The following PCDHGA2 variants were observed in gnomAD, a reference collection of about 807,000 sequenced individuals.
The protein encoded by PCDHGA2 is protocadherin gamma subfamily A, 2, also known as protocadherin gamma-A2.
In PCDHGA2, 40 loss-of-function variants were observed where a neutral mutation model predicts 59.2. The ratio of observed to expected loss-of-function variants is 0.68; its 90% CI spans 0.52 to 0.88. PCDHGA2 has a LOEUF of 0.88. Ranked by LOEUF, PCDHGA2 falls within the 40% of genes least tolerant of loss-of-function variation. The pLI is 0.00. For synonymous variants in PCDHGA2, 560 were observed against 526.0 expected (o/e 1.06, Z -0.89); for missense variants, 1,226 against 1,204.0 (o/e 1.02, Z -0.27).
Position 141,374,101 on chromosome 5 carries a change from G to C in PCDHGA2, c.2424+32706G>C, listed in dbSNP as rs752730619. ...AGCCAGTAATGGCGCCTCCGCAGAG[G>C]CATCCGCAGCGCAGCGAGCAGGTCC... On this transcript the variant is annotated intron_variant, in intron 1 of 3. Coordinates refer to ENST00000394576, the MANE Select transcript of PCDHGA2 (RefSeq NM_018915.4). 1 of 1,565,508 alleles carries C rather than the reference G, an allele frequency of 6.4e-7. No homozygotes were observed. Among genetic ancestry groups the C allele is most frequent in the Admixed American group, 1.9e-5 (1 of 53,132 alleles).
chr5:141,451,009 T>C (rs1437016950), intron 1 of PCDHGA2, among the ~76,000 whole-genome samples: 1 of 151,566 alleles, frequency 6.6e-6, no homozygotes, highest in East Asian at 1.9e-4. Context: ...GTATTTTTTT[T>C]AGTAGAGACG....
intron 1 of PCDHGA2, among the ~76,000 whole-genome samples, chr5:141,433,761 T>G (rs2154555909): frequency 6.7e-6 from 1 of 148,664 alleles, no homozygotes; most frequent in Admixed American, 6.8e-5. Context: ...TGCTTTAACC[T>G]GGGAGGTGGA....
intron 1 of PCDHGA2, chr5:141,365,548 A>G: frequency 6.2e-7 from 1 of 1,613,806 alleles, no homozygotes; most frequent in Non-Finnish European, 8.5e-7. Flanking sequence ...ACCTATTAAC[A>G]ACTAGGGACC....
At chr5:141,377,770 T>A (rs1774342115) in intron 1 of PCDHGA2, 1 of 152,210 alleles carries the variant, frequency 6.6e-6, no homozygotes, top group South Asian at 2.1e-4. Flanking sequence ...ATCTTTGGTG[T>A]TAAAAGACCT....
At chr5:141,498,194 T>C (rs1014641829) in intron 2 of PCDHGA2, among the ~76,000 whole-genome samples, 16 of 152,254 alleles carry the variant, frequency 1.1e-4, no homozygotes, top group African/African-American at 3.6e-4. Context: ...ATTAACCAGC[T>C]AAAGAAAAGA....
chr5:141,348,044 A>C (rs549365991), intron 1 of PCDHGA2, among the ~76,000 whole-genome samples: 172 of 152,324 alleles, frequency 1.1e-3, no homozygotes, highest in African/African-American at 4.0e-3. Context: ...AATGGAATAG[A>C]AGTCCCTTCT....
chr5:141,353,265 C>G (rs1307972871), intron 1 of PCDHGA2, among the ~76,000 whole-genome samples: 1 of 152,154 alleles, frequency 6.6e-6, no homozygotes, highest in Non-Finnish European at 1.5e-5. Context: ...ATATGCAATA[C>G]TATATTTTCA....
At position 141,485,286 on chromosome 5, in the gene PCDHGA2, A is replaced by G; in HGVS notation, c.2425-9521A>G. The G allele has an allele frequency of 2.5e-6, 4 of 1,614,044 alleles. No individual in the cohort carries two copies. On this transcript the variant is annotated intron_variant, in intron 1 of 3. Transcript: ENST00000394576. This position sits in a 1 kb window ranked among gnomAD's most constrained non-coding sequence, Gnocchi z 5.7. ...CAGATCCGCTACCCGGTCCCAGAGG[A>G]GTCACAGGAAGGGACTTTTGTAGGG...
chr5:141,408,974 G>C lies in PCDHGA2; in HGVS notation c.2424+67579G>C, dbSNP rs899313364. 8.7e-6 allele frequency: 14 copies of C among 1,613,690 alleles called. No individual in the cohort carries two copies. In the African/African-American group the frequency reaches 1.9e-4, roughly 22 times the overall value. On this transcript the variant is annotated intron_variant, in intron 1 of 3. Transcript: ENST00000394576. ...TAGTCTTAGTGAAAATCTGCCCCCT[G>C]GGTCCCCTGTGTTGCAAGTGACAGC...
intron 1 of PCDHGA2, chr5:141,372,188 G>A (rs771970227): frequency 1.2e-6 from 2 of 1,613,434 alleles, no homozygotes; most frequent in Admixed American, 1.7e-5. Context: ...ACGCAGACTC[G>A]GGATACAACG....
Position 141,486,445 on chromosome 5 carries a change from G to A in PCDHGA2, c.2425-8362G>A. On this transcript the variant is annotated intron_variant, in intron 1 of 3. Coordinates refer to ENST00000394576, the MANE Select transcript of PCDHGA2 (RefSeq NM_018915.4). The surrounding 1 kb of genome is among the most constrained non-coding windows in gnomAD (Gnocchi z 5.0). ...AGGCCAAATCTAGCTATGACATCAT[G>A]GTCACTGCTTCTGATGCTGGGAACC... 6.2e-7 allele frequency: 1 copy of A among 1,613,948 alleles called. No homozygotes were observed. The highest frequency in any genetic ancestry group is 8.5e-7 in the Non-Finnish European group (1 of 1,179,862).
chr5:141,339,525 G>A lies in PCDHGA2; in HGVS notation c.554G>A (p.Gly185Glu). Residue 185 changes from glycine (G) to glutamate (E), a missense_variant, in exon 1 of 4, where the codon GGA becomes GAA. Coordinates refer to ENST00000394576, the MANE Select transcript of PCDHGA2 (RefSeq NM_018915.4). ...NDHFSLDVRR[G>E]ADGNKYPELV... The stretch of plus-strand genomic sequence containing the variant: ...CACTTCTCCCTGGACGTGCGAAGGG[G>A]AGCTGATGGGAACAAGTACCCAGAA... 3 of 1,614,152 alleles carry A rather than the reference G, an allele frequency of 1.9e-6. No homozygotes were observed. The highest frequency in any genetic ancestry group is 2.5e-6 in the Non-Finnish European group (3 of 1,180,038).
rs571588941 is a variant in PCDHGA2, at chr5:141,428,181, A to T, written c.2425-66626A>T. The T allele has an allele frequency of 1.2e-4, 181 of 1,486,230 alleles. 2 individuals carry two copies. In the South Asian group the frequency reaches 2.0e-3, roughly 16 times the overall value. The allele number at this position is 1,486,230 out of a possible 1,614,324, so 92.1% of individuals were successfully genotyped here. A position where few individuals can be genotyped will look rare whatever the true frequency, so the allele number is the denominator to read the frequency against. ...CTGGTTGCTGTGCGTGACGGAGGAC[A>T]GCCGCCGCTCTCTGCGCCGCTACGC... On this transcript the variant is annotated intron_variant, in intron 1 of 3. Coordinates refer to ENST00000394576, the MANE Select transcript of PCDHGA2 (RefSeq NM_018915.4).
Position 141,432,617 on chromosome 5 carries a change from G to T in PCDHGA2, c.2425-62190G>T, listed in dbSNP as rs2097521313. The T allele has an allele frequency of 6.2e-7, 1 of 1,613,578 alleles. No homozygotes were observed. The highest frequency in any genetic ancestry group is 1.3e-5 in the African/African-American group (1 of 74,842). On this transcript the variant is annotated intron_variant, in intron 1 of 3. Coordinates refer to ENST00000394576, the MANE Select transcript of PCDHGA2 (RefSeq NM_018915.4). This position sits in a 1 kb window ranked among gnomAD's most constrained non-coding sequence, Gnocchi z 6.0. ...CAGCGAGCCGGGACTCTTCTCGGTGGGTCTGCACACGGGCGAGGTGCGCAC... is the reference window on the plus strand; with the variant it reads ...CAGCGAGCCGGGACTCTTCTCGGTGTGTCTGCACACGGGCGAGGTGCGCAC...
chr5:141,459,993 G>T (rs1320315247), intron 1 of PCDHGA2, among the ~76,000 whole-genome samples: 1 of 152,164 alleles, frequency 6.6e-6, no homozygotes, highest in African/African-American at 2.4e-5. Context: ...CAGGAGAATC[G>T]CTTGAACCCA....
intron 1 of PCDHGA2, chr5:141,423,769 CATAT>C (rs2096780943): frequency 8.2e-7 from 1 of 1,219,458 alleles, no homozygotes; most frequent in South Asian, 2.2e-5. Context: ...GGTGGGGCGG[CATAT>C]ATTTAGTTCA....
chr5:141,384,766 A>G, intron 1 of PCDHGA2: 2 of 1,613,916 alleles, frequency 1.2e-6, no homozygotes, highest in Non-Finnish European at 1.7e-6. Flanking sequence ...TGGGCTGTAC[A>G]CGGGCGAGGT....
rs1256615029 is a variant in PCDHGA2 at position 141,512,740 on chromosome 5, C to T, written c.*1567C>T. ...GCGGGTGGGCAGCGGGCGGCGGGCT[C>T]CGCGCAGCCGTCTGTCCTTGATCTG... On this transcript the variant is annotated 3_prime_UTR_variant, in exon 4 of 4. Transcript: ENST00000394576. 1 of 152,788 alleles carries T rather than the reference C, an allele frequency of 6.5e-6. No individual in the cohort carries two copies. The highest frequency in any genetic ancestry group is 1.5e-5 in the Non-Finnish European group (1 of 68,570). The allele number at this position is 152,788 out of a possible 1,614,324, so 9.5% of individuals were successfully genotyped here.
chr5:141,356,297 T>C, intron 1 of PCDHGA2: 1 of 1,554,974 alleles, frequency 6.4e-7, no homozygotes, highest in African/African-American at 1.4e-5. Flanking sequence ...GGTACAGTAA[T>C]TGCACTTTTC....
Sources: allele counts gnomAD v4.1 joint callset (sites outside exome capture counted in the v4.1 genomes callset), GRCh38; gene constraint gnomAD v4.1.1; non-coding constraint Gnocchi (gnomAD v3.1); transcripts MANE v1.5; gene names NCBI Gene and HGNC (gene_info 2026-07-23, HGNC 2026-07-21).